The following SV2C variants were observed in gnomAD, a reference collection of about 807,000 sequenced individuals.
SV2C encodes synaptic vesicle glycoprotein 2C, also known as solute carrier family 22 member B3.
SV2C carries 49 observed loss-of-function variants against 79.7 expected under a neutral mutation model. The observed-to-expected ratio is 0.61, with a 90% CI of 0.49 to 0.78. The LOEUF is 0.78. Among genes scored for constraint, SV2C ranks in the 30% least tolerant of loss-of-function variants. The probability of loss-of-function intolerance (pLI) is 0.00; values close to 1 mark genes in which losing one functional copy is unlikely to be tolerated. For synonymous variants in SV2C, 334 were observed against 333.2 expected, an observed-to-expected ratio of 1.00 and a Z score of -0.03; for missense variants, 833 against 912.9, an observed-to-expected ratio of 0.91 and a Z score of 1.13.
chr5:76,294,563 G>C (rs1003083113), intron 8 of SV2C, among the ~76,000 whole-genome samples: 2 of 152,266 alleles, frequency 1.3e-5, no homozygotes, highest in African/African-American at 4.8e-5. Flanking sequence ...GCCTCCCAAA[G>C]TGTTGGGATT....
At position 76,325,079 on chromosome 5, in the gene SV2C, G is replaced by A. The variant is rs554685246; in HGVS notation, c.2001-285G>A. ...AACGTTAAACCACTAGAGATGTTTC[G>A]TACTCCCTACAATTTTTTCTCTCTT... is the stretch of plus-strand genomic sequence containing the variant. On this transcript the variant is annotated intron_variant, in intron 12 of 12. Coordinates refer to ENST00000502798, the MANE Select transcript of SV2C (RefSeq NM_014979.4). Among the ~76,000 whole-genome samples the A allele has an allele frequency of 3.0e-4, 45 of 152,204 alleles. 2 individuals carry two copies. The South Asian group carries it at 7.9e-3, about 27-fold the overall frequency.
Position 76,162,542 on chromosome 5 carries a change from C to T in SV2C, c.580+30212C>T, listed in dbSNP as rs538538750. ...TCATTTGTTGAGTAGGAGGATTGTACCAGATGCTTCCTGACAGTCTTATCA... is the reference window on the plus strand; with the variant it reads ...TCATTTGTTGAGTAGGAGGATTGTATCAGATGCTTCCTGACAGTCTTATCA... On this transcript the variant is annotated intron_variant, in intron 2 of 12. Coordinates refer to ENST00000502798, the MANE Select transcript of SV2C (RefSeq NM_014979.4). Among the ~76,000 whole-genome samples, 8 of 152,256 alleles carry T rather than the reference C, an allele frequency of 5.3e-5. No homozygotes were observed. In the South Asian group the frequency reaches 1.5e-3, roughly 28 times the overall value.
At chr5:75,895,761 G>C in the SV2C span, among the ~76,000 whole-genome samples, 2 of 152,096 alleles carry the variant, frequency 1.3e-5, no homozygotes, top group Admixed American at 1.3e-4. Context: ...TGAGAGTAGA[G>C]AAGGTGACCT....
At chr5:75,903,087 A>G in the SV2C span, among the ~76,000 whole-genome samples, 1 of 152,232 alleles carries the variant, frequency 6.6e-6, no homozygotes, top group African/African-American at 2.4e-5. Context: ...ACAACTTAGT[A>G]GTTATTCAAA....
At chr5:76,024,754 A>G in the SV2C span, among the ~76,000 whole-genome samples, 1 of 152,166 alleles carries the variant, frequency 6.6e-6, no homozygotes, top group Admixed American at 6.6e-5. Flanking sequence ...CAAGACCTCC[A>G]GTCGGCCCTG....
chr5:75,984,601 AT>A, the SV2C span, among the ~76,000 whole-genome samples: 8 of 138,476 alleles, frequency 5.8e-5, no homozygotes, highest in Non-Finnish European at 9.8e-5. Context: ...CTATCTACCT[AT>A]CTATCTATCT....
At chr5:75,974,505 C>G in the SV2C span, among the ~76,000 whole-genome samples, 1 of 152,010 alleles carries the variant, frequency 6.6e-6, no homozygotes, top group East Asian at 1.9e-4. Flanking sequence ...TCATTTGTCT[C>G]TGAATAACAG....
the SV2C span, among the ~76,000 whole-genome samples, chr5:75,940,602 A>G: frequency 6.6e-6 from 1 of 152,106 alleles, no homozygotes; most frequent in Admixed American, 6.6e-5. Flanking sequence ...GTCACACTTG[A>G]TTTACTTCTT....
At chr5:76,214,157 A>G (rs146639925) in intron 4 of SV2C, among the ~76,000 whole-genome samples, 8 of 152,318 alleles carry the variant, frequency 5.3e-5, no homozygotes, top group African/African-American at 1.9e-4. Flanking sequence ...TTACAGTTTT[A>G]TAGTTCTGAA....
At chr5:76,230,406 C>A (rs988727605) in intron 4 of SV2C, among the ~76,000 whole-genome samples, 1 of 152,180 alleles carries the variant, frequency 6.6e-6, no homozygotes, top group African/African-American at 2.4e-5. Context: ...CAGTTCTCTG[C>A]ACCTAAGGTT....
chr5:75,977,142 G>A, the SV2C span, among the ~76,000 whole-genome samples: 1 of 152,016 alleles, frequency 6.6e-6, no homozygotes, highest in East Asian at 1.9e-4. Context: ...AATTATGAGG[G>A]GCCATTTTGT....
At chr5:76,033,788 G>A in the SV2C span, among the ~76,000 whole-genome samples, 54 of 152,174 alleles carry the variant, frequency 3.5e-4, no homozygotes, top group African/African-American at 1.3e-3. Context: ...TGTGAAGAAA[G>A]TCATTGGTAG....
At chr5:76,207,267 G>C (rs1279091746) in intron 3 of SV2C, among the ~76,000 whole-genome samples, 2 of 152,164 alleles carry the variant, frequency 1.3e-5, no homozygotes, top group African/African-American at 4.8e-5. Context: ...CCTTCATGAA[G>C]CTTAAGTTAT....
chr5:75,880,400 A>T, the SV2C span, among the ~76,000 whole-genome samples: 1 of 152,170 alleles, frequency 6.6e-6, no homozygotes, highest in Non-Finnish European at 1.5e-5. Flanking sequence ...ACATCTAAGC[A>T]TAGGTTGTTA....
chr5:75,877,767 T>C, the SV2C span, among the ~76,000 whole-genome samples: 45 of 152,166 alleles, frequency 3.0e-4, no homozygotes, highest in Non-Finnish European at 5.2e-4. Context: ...CCAAATCTCA[T>C]GTTGAAATGT....
At chr5:76,284,682 A>G (rs1747293536) in intron 4 of SV2C, among the ~76,000 whole-genome samples, 1 of 152,168 alleles carries the variant, frequency 6.6e-6, no homozygotes, top group Non-Finnish European at 1.5e-5. Context: ...AAGCAAGGGA[A>G]ATAATATCCC....
chr5:76,235,839 T>A (rs1745593682), intron 4 of SV2C, among the ~76,000 whole-genome samples: 1 of 152,210 alleles, frequency 6.6e-6, no homozygotes, highest in Non-Finnish European at 1.5e-5. Flanking sequence ...CTCCTACAGC[T>A]GAGCATGACT....
chr5:76,159,746 T>G (rs1372147138), intron 2 of SV2C, among the ~76,000 whole-genome samples: 2 of 152,076 alleles, frequency 1.3e-5, no homozygotes, highest in Non-Finnish European at 2.9e-5. Flanking sequence ...CCTACCCTAC[T>G]CTAGTATGAC....
intron 2 of SV2C, among the ~76,000 whole-genome samples, chr5:76,169,912 ATGTCTTCTAGAGGGCTGGG>A (rs1225241722): frequency 2.0e-5 from 3 of 152,210 alleles, no homozygotes; most frequent in African/African-American, 7.2e-5. Flanking sequence ...AAGGTCAGAG[ATGTCTTCTAGAGGGCTGGG>A]TGGCAGCTAT....
Sources: allele counts gnomAD v4.1 joint callset (sites outside exome capture counted in the v4.1 genomes callset), GRCh38; gene constraint gnomAD v4.1.1; transcripts MANE v1.5; gene names NCBI Gene and HGNC (gene_info 2026-07-23, HGNC 2026-07-21).